CST7: variants seen among roughly 807,000 people sequenced by gnomAD.
The protein encoded by CST7 is cystatin F.
Under a neutral mutation model 13.1 loss-of-function variants are expected in CST7, and 15 were observed. The ratio of observed to expected loss-of-function variants is 1.14; its 90% CI spans 0.77 to 1.76. The LOEUF is 1.76. CST7 is among the 40% of genes most tolerant of loss of function. The pLI is 0.00. For missense variants in CST7, 193 were observed against 178.8 expected (o/e 1.08, Z -0.45); for synonymous variants, 75 against 66.9 (o/e 1.12, Z -0.59).
At chr20:24,954,747 G>A (rs971439027) in intron 1 of CST7, among the ~76,000 whole-genome samples, 4 of 152,080 alleles carry the variant, frequency 2.6e-5, no homozygotes, top group South Asian at 2.1e-4. Flanking sequence ...AGGAACTAAC[G>A]TCATGAGCTT....
Position 24,957,284 on chromosome 20 carries a change from CA to C in CST7, c.71-2del. 1 of 1,611,656 alleles carries C rather than the reference CA, an allele frequency of 6.2e-7. No homozygotes were observed. On this transcript the variant is annotated splice_acceptor_variant, in intron 1 of 3. Transcript: ENST00000480798. LOFTEE classifies it high-confidence loss of function. ...TTCTTGTCTGGCTCTTTGTCTCTTT[CA>C]GATACTTGTTCCCAGGACCTTAACT...
At chr20:24,956,514 C>T (rs1157452347) in intron 1 of CST7, among the ~76,000 whole-genome samples, 1 of 152,154 alleles carries the variant, frequency 6.6e-6, no homozygotes, top group Non-Finnish European at 1.5e-5. Flanking sequence ...CATCTTTTAT[C>T]CAAATATAGC....
At chr20:24,957,924 T>G (rs563832735) in intron 2 of CST7, among the ~76,000 whole-genome samples, 30 of 152,324 alleles carry the variant, frequency 2.0e-4, no homozygotes, top group Non-Finnish European at 3.8e-4. Flanking sequence ...CCAAGAGCTC[T>G]GCCCAAGCCA....
intron 1 of CST7, among the ~76,000 whole-genome samples, chr20:24,954,353 C>T (rs902216535): frequency 6.6e-6 from 1 of 152,214 alleles, no homozygotes; most frequent in African/African-American, 2.4e-5. Flanking sequence ...CCTTCAGTTG[C>T]ACGGAGCAAA....
chr20:24,957,064 T>TGAGGGGGGCAGGC (rs2087861649), intron 1 of CST7, among the ~76,000 whole-genome samples: 1 of 1,426 alleles, frequency 7.0e-4, no homozygotes, highest in Non-Finnish European at 1.4e-3. Flanking sequence ...GGAGAACAGG[T>TGAGGGGGGCAGGC]GAGGGGGCAG....
chr20:24,949,910 G>A (rs1370641877), intron 1 of CST7, among the ~76,000 whole-genome samples: 1 of 152,226 alleles, frequency 6.6e-6, no homozygotes, highest in African/African-American at 2.4e-5. Flanking sequence ...GGAGGCGACA[G>A]GGCAGCCACA....
Position 24,959,885 on chromosome 20 carries a change from A to G in CST7, c.*173A>G, listed in dbSNP as rs1056036. The G allele has an allele frequency of 0.62, 392,721 of 632,644 alleles. 125,194 individuals are homozygous for G. The highest frequency in any genetic ancestry group is 0.92 in the East Asian group (34,098 of 36,906). The allele number at this position is 632,644 out of a possible 1,614,324, so 39.2% of individuals were successfully genotyped here. Reference sequence around the variant, plus strand: ...GCAGCTGGAATGGCAGCATGGTAGCACCTCCTAACAGATTAAATAGATCAC... The same window carrying G: ...GCAGCTGGAATGGCAGCATGGTAGCGCCTCCTAACAGATTAAATAGATCAC... On this transcript the variant is annotated 3_prime_UTR_variant, in exon 4 of 4. Transcript: ENST00000480798.
chr20:24,953,345 C>G (rs552795620), intron 1 of CST7, among the ~76,000 whole-genome samples: 4 of 152,108 alleles, frequency 2.6e-5, no homozygotes, highest in African/African-American at 9.7e-5. Context: ...GAAGGGGCAG[C>G]GTGATGTCAC....
intron 2 of CST7, among the ~76,000 whole-genome samples, 193 bp from the exon 3 acceptor site, chr20:24,958,735 G>A (rs1222252315): frequency 6.6e-6 from 1 of 152,140 alleles, no homozygotes; most frequent in Non-Finnish European, 1.5e-5. Context: ...CACAAACCCA[G>A]CACGGGGCAG....
rs535847206 is a variant in CST7 at position 24,954,227 on chromosome 20, C to T, written c.71-3060C>T. ...CCTGGGTTTAGCCCCCCACCCTGCA[C>T]TCCAAGCTCTTGGTCTCCTCGCCTG... On this transcript the variant is annotated intron_variant, in intron 1 of 3. Coordinates refer to ENST00000480798, the MANE Select transcript of CST7 (RefSeq NM_003650.4). Among the ~76,000 whole-genome samples, 6 of 152,348 alleles carry T rather than the reference C, an allele frequency of 3.9e-5. No homozygotes were observed. The East Asian group carries it at 1.2e-3, about 29-fold the overall frequency.
intron 1 of CST7, among the ~76,000 whole-genome samples, chr20:24,953,165 A>G (rs533370556): frequency 1.1e-4 from 17 of 152,296 alleles, no homozygotes; most frequent in African/African-American, 4.1e-4. Context: ...GGGCACCCGG[A>G]CAGGACTTTG....
At chr20:24,958,825 C>T (rs2087875590) in intron 2 of CST7, 103 bp from the exon 3 acceptor site, 1 of 834,892 alleles carries the variant, frequency 1.2e-6, no homozygotes, top group Admixed American at 1.9e-5. Context: ...TTCCCTTCTC[C>T]TCGGTGGGCA....
At chr20:24,949,653 G>A in intron 1 of CST7, 78 bp downstream of exon 1, 1 of 1,569,966 alleles carries the variant, frequency 6.4e-7, no homozygotes, top group South Asian at 1.2e-5. Context: ...GTCTTCCCCA[G>A]GGCACTTTCC....
At chr20:24,952,746 A>G (rs893106280) in intron 1 of CST7, among the ~76,000 whole-genome samples, 8 of 152,304 alleles carry the variant, frequency 5.3e-5, no homozygotes, top group Admixed American at 2.0e-4. Flanking sequence ...AGGGAGGGAC[A>G]CCAGCAGGGA....
intron 1 of CST7, among the ~76,000 whole-genome samples, chr20:24,953,043 G>C (rs976003322): frequency 1.4e-4 from 22 of 152,154 alleles, no homozygotes; most frequent in African/African-American, 5.1e-4. Context: ...CCTGCCCAGG[G>C]CATGCCCAGC....
intron 2 of CST7, among the ~76,000 whole-genome samples, chr20:24,958,088 A>G (rs534309416): frequency 1.3e-5 from 2 of 152,336 alleles, no homozygotes; most frequent in African/African-American, 4.8e-5. Flanking sequence ...AAGGGGCAGA[A>G]GCAGCCCTGT....
intron 3 of CST7, 147 bp downstream of exon 3, chr20:24,959,191 G>C (rs996792971): frequency 1.3e-5 from 9 of 671,450 alleles, no homozygotes; most frequent in Non-Finnish European, 2.4e-5. Flanking sequence ...ACTCCCGCAC[G>C]ACTGAGGATC....
chr20:24,953,337 A>C (rs1386129059), intron 1 of CST7, among the ~76,000 whole-genome samples: 1 of 152,180 alleles, frequency 6.6e-6, no homozygotes, highest in Non-Finnish European at 1.5e-5. Context: ...GATAGCTGGA[A>C]GGGGCAGCGT....
Sources: gnomAD v4.1 joint callset for allele counts (sites outside exome capture counted in the v4.1 genomes callset) on GRCh38, gnomAD v4.1.1 for gene constraint, MANE v1.5 for transcripts, NCBI Gene and HGNC (gene_info 2026-07-23, HGNC 2026-07-21) for gene names.